OXSR1: variants seen among roughly 807,000 people sequenced by gnomAD.
The protein encoded by OXSR1 is oxidative stress responsive kinase 1.
OXSR1 carries 24 observed loss-of-function variants against 79.8 expected under a neutral mutation model. The ratio of observed to expected loss-of-function variants is 0.30; its 90% CI spans 0.22 to 0.42. The LOEUF (loss-of-function observed/expected upper bound fraction) is 0.42. OXSR1 is among the 10% of genes least tolerant of loss of function. The pLI is 1.00. For missense variants in OXSR1, 430 were observed against 618.4 expected, an observed-to-expected ratio of 0.70 and a Z score of 3.23; for synonymous variants, 226 against 209.2, an observed-to-expected ratio of 1.08 and a Z score of -0.69.
chr3:38,243,957 A>C, intron 12 of OXSR1, among the ~76,000 whole-genome samples: 1 of 152,144 alleles, frequency 6.6e-6, no homozygotes. Context: ...TTGTCTCCTT[A>C]TTCCTGCTAC....
intron 8 of OXSR1, among the ~76,000 whole-genome samples, chr3:38,226,430 C>G (rs1702689925): frequency 6.6e-6 from 1 of 152,102 alleles, no homozygotes; most frequent in African/African-American, 2.4e-5. Context: ...ATGAAAAATA[C>G]AGTGATTAAT....
At chr3:38,205,954 T>TC (rs1458036047) in intron 4 of OXSR1, among the ~76,000 whole-genome samples, 3 of 152,246 alleles carry the variant, frequency 2.0e-5, no homozygotes, top group Non-Finnish European at 4.4e-5. Context: ...TTTATCTATT[T>TC]CTTCACTCAG....
intron 1 of OXSR1, among the ~76,000 whole-genome samples, chr3:38,176,071 A>G (rs1287580211): frequency 3.3e-5 from 5 of 152,184 alleles, no homozygotes; most frequent in Non-Finnish European, 7.4e-5. Flanking sequence ...CTATTATAGC[A>G]GACTAAACCA....
intron 2 of OXSR1, among the ~76,000 whole-genome samples, chr3:38,188,437 C>T (rs1445455841): frequency 6.6e-6 from 1 of 152,150 alleles, no homozygotes; most frequent in African/African-American, 2.4e-5. Context: ...GCTATCCACC[C>T]AACTTGCGCT....
intron 11 of OXSR1, among the ~76,000 whole-genome samples, chr3:38,241,264 T>C (rs1703027457): frequency 6.6e-6 from 1 of 152,018 alleles, no homozygotes; most frequent in Non-Finnish European, 1.5e-5. Context: ...TAAGGAAACA[T>C]TAGATAAACC....
At chr3:38,174,021 G>T (rs1357862348) in intron 1 of OXSR1, among the ~76,000 whole-genome samples, 2 of 152,204 alleles carry the variant, frequency 1.3e-5, no homozygotes, top group East Asian at 3.9e-4. Context: ...GTTCCAAGCA[G>T]AGGACAACAA....
At chr3:38,238,300 A>G (rs1344802368) in intron 11 of OXSR1, among the ~76,000 whole-genome samples, 3 of 152,148 alleles carry the variant, frequency 2.0e-5, no homozygotes, top group African/African-American at 7.2e-5. Context: ...TACCATGACC[A>G]AACGGGTAGG....
intron 1 of OXSR1, among the ~76,000 whole-genome samples, chr3:38,171,214 C>T (rs1701575122): frequency 6.6e-6 from 1 of 152,168 alleles, no homozygotes; most frequent in Admixed American, 6.5e-5. Flanking sequence ...TGAGCTACAG[C>T]CTAGTATAAG....
At chr3:38,188,548 A>G (rs1701925778) in intron 2 of OXSR1, among the ~76,000 whole-genome samples, 1 of 152,184 alleles carries the variant, frequency 6.6e-6, no homozygotes, top group Non-Finnish European at 1.5e-5. Flanking sequence ...GCTTAAACAG[A>G]AGCTTTGTCT....
chr3:38,202,387 T>G (rs1702181107), intron 4 of OXSR1, among the ~76,000 whole-genome samples: 1 of 151,994 alleles, frequency 6.6e-6, no homozygotes, highest in Non-Finnish European at 1.5e-5. Flanking sequence ...GGAAATGACT[T>G]TTTTTTTCTT....
intron 10 of OXSR1, among the ~76,000 whole-genome samples, chr3:38,233,637 G>C (rs1702856934): frequency 6.6e-6 from 1 of 152,136 alleles, no homozygotes; most frequent in Non-Finnish European, 1.5e-5. Context: ...TATTTGCCAG[G>C]AGTGGTAGCC....
At chr3:38,229,602 AT>A (rs1702763836) in intron 8 of OXSR1, 84 bp from the exon 9 acceptor site, 5 of 1,192,412 alleles carry the variant, frequency 4.2e-6, no homozygotes, top group South Asian at 1.3e-5. Context: ...GTTGAAAAAA[AT>A]TTTTTCTCAT....
intron 10 of OXSR1, among the ~76,000 whole-genome samples, chr3:38,231,439 G>T (rs1256410464): frequency 6.6e-6 from 1 of 151,974 alleles, no homozygotes; most frequent in Non-Finnish European, 1.5e-5. Flanking sequence ...TAGCTACTAG[G>T]TTAAAAACTC....
chr3:38,216,141 A>G lies in OXSR1; in HGVS notation c.480A>G (p.Val160=), dbSNP rs1702478617. The part of the protein sequence containing the change: ...GNILLGEDGS[V]QIADFGVSAF... ...TTCTTCTTGGAGAAGATGGCTCAGTACAGATTGCAGGTAATGATTAGTATT... is the reference window on the plus strand; with the variant it reads ...TTCTTCTTGGAGAAGATGGCTCAGTGCAGATTGCAGGTAATGATTAGTATT... The change falls in exon 5 of 18, where the codon GTA becomes GTG. Residue 160 remains valine (V), a synonymous_variant. Coordinates refer to ENST00000311806, the MANE Select transcript of OXSR1 (RefSeq NM_005109.3). The G allele has an allele frequency of 6.3e-7, 1 of 1,584,162 alleles. No homozygotes were observed. Among genetic ancestry groups the G allele is most frequent in the Non-Finnish European group, 8.6e-7 (1 of 1,157,468 alleles).
chr3:38,177,689 A>G (rs1043247892), intron 1 of OXSR1, among the ~76,000 whole-genome samples: 1 of 151,758 alleles, frequency 6.6e-6, no homozygotes, highest in Non-Finnish European at 1.5e-5. Context: ...GGCCCAAGCA[A>G]TCTTCCCATC....
intron 4 of OXSR1, among the ~76,000 whole-genome samples, chr3:38,212,811 G>A (rs1702413035): frequency 6.6e-6 from 1 of 152,224 alleles, no homozygotes; most frequent in Non-Finnish European, 1.5e-5. Context: ...TGACTTGCTT[G>A]ATATTCTTTG....
chr3:38,202,728 A>T (rs1702186452), intron 4 of OXSR1, among the ~76,000 whole-genome samples: 3 of 152,250 alleles, frequency 2.0e-5, no homozygotes, highest in Non-Finnish European at 1.5e-5. Flanking sequence ...TCTTTGTTGC[A>T]TTACTAATAT....
intron 4 of OXSR1, among the ~76,000 whole-genome samples, chr3:38,199,339 C>T (rs985031182): frequency 6.6e-6 from 1 of 151,114 alleles, no homozygotes; most frequent in Non-Finnish European, 1.5e-5. Flanking sequence ...TCATAACTCA[C>T]TGCAACCTCG....
chr3:38,200,009 T>C (rs1702134483), intron 4 of OXSR1, among the ~76,000 whole-genome samples: 4 of 152,168 alleles, frequency 2.6e-5, no homozygotes, highest in Admixed American at 2.6e-4. Flanking sequence ...GCATAGTCCT[T>C]TGCTGCTGGG....
Sources: allele counts gnomAD v4.1 joint callset (sites outside exome capture counted in the v4.1 genomes callset), GRCh38; gene constraint gnomAD v4.1.1; transcripts MANE v1.5; gene names NCBI Gene and HGNC (gene_info 2026-07-23, HGNC 2026-07-21).